URB2: variants seen among roughly 807,000 people sequenced by gnomAD.
URB2 encodes URB2 ribosome biogenesis homolog.
In URB2, 86 loss-of-function variants were observed where a neutral mutation model predicts 120.9. That is an observed-to-expected ratio of 0.71 (90% CI 0.60 to 0.85). URB2 has a LOEUF of 0.85. Among genes scored for constraint, URB2 ranks in the 40% least tolerant of loss-of-function variants. The pLI, the probability that URB2 is intolerant of heterozygous loss-of-function variation, is 0.00. For synonymous variants in URB2, 755 were observed against 758.4 expected, an observed-to-expected ratio of 1.00 and a Z score of 0.07; for missense variants, 1,765 against 1,836.5, an observed-to-expected ratio of 0.96 and a Z score of 0.71.
chr1:229,626,739 C>T (rs1318726790), intron 1 of URB2, among the ~76,000 whole-genome samples: 1 of 152,254 alleles, frequency 6.6e-6, no homozygotes, highest in Non-Finnish European at 1.5e-5. Context: ...GTCTTTGTAG[C>T]CAGTTCAGCA....
chr1:229,648,309 A>G (rs772679320), intron 7 of URB2, among the ~76,000 whole-genome samples: 11 of 152,192 alleles, frequency 7.2e-5, no homozygotes, highest in Non-Finnish European at 1.5e-4. Context: ...AATCTGAAAC[A>G]CTTCTGGTCC....
Position 229,627,664 on chromosome 1 carries a change from A to G in URB2, c.31A>G (p.Lys11Glu), listed in dbSNP as rs759546499. 1 of 1,613,634 alleles carries G rather than the reference A, an allele frequency of 6.2e-7. No homozygotes were observed. The highest frequency in any genetic ancestry group is 2.2e-5 in the East Asian group (1 of 44,824). Residue 11 changes from lysine to glutamate, a missense_variant, in exon 2 of 10, where the codon AAG (lysine) becomes GAG (glutamate). Physicochemically the swap from Lys to Glu is moderately conservative, Grantham distance 56. Transcript: ENST00000258243. ...TGCTGTTTATTCTGGCATTTCCCTT[A>G]AGCTTAAAAGCAAGACAACTTCCTG... is the stretch of plus-strand genomic sequence containing the variant. MAAVYSGISLKLKSKTTSWED... is the reference protein window; with the variant it reads MAAVYSGISLELKSKTTSWED...
At position 229,634,930 on chromosome 1, in the gene URB2, G is replaced by T; in HGVS notation, c.317G>T (p.Arg106Ile). Residue 106 changes from arginine (R) to isoleucine (I), a missense_variant, in exon 4 of 10, where the codon AGA (arginine) becomes ATA (isoleucine). Transcript: ENST00000258243. ...CTTAATGTTCAGATCATCAATGAGA[G>T]AGTAGCTGAGTTCTCTCTTTCGGGA... Reference protein sequence around the residue: ...QISLVKIINERVAEFSLSGSQ... With the variant: ...QISLVKIINEIVAEFSLSGSQ... 1.3e-6 allele frequency: 2 copies of T among 1,528,998 alleles called. No individual in the cohort carries two copies. Among genetic ancestry groups the T allele is most frequent in the South Asian group, 2.6e-5 (2 of 78,192 alleles). The allele number at this position is 1,528,998 out of a possible 1,614,324, so 94.7% of individuals were successfully genotyped here. A position where few individuals can be genotyped will look rare whatever the true frequency, so the allele number is the denominator to read the frequency against.
intron 2 of URB2, among the ~76,000 whole-genome samples, chr1:229,631,632 A>G (rs559804811): frequency 1.8e-4 from 27 of 152,278 alleles, no homozygotes; most frequent in African/African-American, 6.3e-4. Flanking sequence ...GGAGAAGGAG[A>G]GAGGGGAAAA....
At chr1:229,651,053 G>A (rs1666258868) in intron 7 of URB2, 182 bp from the exon 8 acceptor site, 1 of 425,110 alleles carries the variant, frequency 2.4e-6, no homozygotes, top group Admixed American at 4.2e-5. Flanking sequence ...TCTAATACAA[G>A]ATGGGTGAGC....
chr1:229,659,452 T>C lies in URB2; in HGVS notation c.*155T>C. 1.4e-6 allele frequency: 1 copy of C among 709,886 alleles called. No homozygotes were observed. Among genetic ancestry groups the C allele is most frequent in the Non-Finnish European group, 2.2e-6 (1 of 458,248 alleles). The allele number at this position is 709,886 out of a possible 1,614,324, so 44.0% of individuals were successfully genotyped here. ...GGTTTATGTAGTATATTTTGATGTA[T>C]TTTACATCGTGTTTTTCTTACTATT... On this transcript the variant is annotated 3_prime_UTR_variant, in exon 10 of 10. Coordinates refer to ENST00000258243, the MANE Select transcript of URB2 (RefSeq NM_014777.4).
rs1338675371 is a variant in URB2, at chr1:229,636,749, A to C, written c.2136A>C (p.Arg712Ser). 1 of 1,612,220 alleles carries C rather than the reference A, an allele frequency of 6.2e-7. No individual in the cohort carries two copies. The highest frequency in any genetic ancestry group is 1.3e-5 in the African/African-American group (1 of 74,850). ...CDAAFIIGSG[R>S]KSLNQRTTAS... ...CTGCCTTTATTATTGGTTCCGGCAGAAAAAGCTTGAATCAGAGAACGACGG... is the reference window on the plus strand; with the variant it reads ...CTGCCTTTATTATTGGTTCCGGCAGCAAAAGCTTGAATCAGAGAACGACGG... The change falls in exon 4 of 10, where the codon AGA (arginine) becomes AGC (serine). Residue 712 changes from arginine to serine, a missense_variant. Physicochemically the swap from Arg to Ser is moderately radical, Grantham distance 110. Coordinates refer to ENST00000258243, the MANE Select transcript of URB2 (RefSeq NM_014777.4).
intron 5 of URB2, among the ~76,000 whole-genome samples, chr1:229,644,537 G>A (rs1166274769): frequency 5.3e-5 from 8 of 152,208 alleles, no homozygotes; most frequent in Admixed American, 3.3e-4. Context: ...TGCAGGCAGC[G>A]TGTTGGGCTG....
intron 2 of URB2, among the ~76,000 whole-genome samples, chr1:229,631,778 G>A (rs1665674679): frequency 6.6e-6 from 1 of 152,154 alleles, no homozygotes; most frequent in Admixed American, 6.5e-5. Flanking sequence ...GTGATCACTG[G>A]TCACAGAGTA....
chr1:229,647,503 C>T lies in URB2; in HGVS notation c.3907-7C>T. The stretch of plus-strand genomic sequence containing the variant: ...TCATTTTTCCTTTATTTTATTTTGC[C>T]CTTTAGCTCTTAAACCGAGAAGCTT... On this transcript the variant is annotated splice_polypyrimidine_tract_variant and splice_region_variant and intron_variant, in intron 6 of 9. Coordinates refer to ENST00000258243, the MANE Select transcript of URB2 (RefSeq NM_014777.4). 1 of 1,610,386 alleles carries T rather than the reference C, an allele frequency of 6.2e-7. No individual in the cohort carries two copies. The highest frequency in any genetic ancestry group is 8.5e-7 in the Non-Finnish European group (1 of 1,177,120).
rs546882730 is a variant in URB2, at chr1:229,639,350, T to A, written c.3634+1103T>A. Among the ~76,000 whole-genome samples, 4 of 151,524 alleles carry A rather than the reference T, an allele frequency of 2.6e-5. No homozygotes were observed. The East Asian group carries it at 7.8e-4, about 29-fold the overall frequency. On this transcript the variant is annotated intron_variant, in intron 4 of 9. Transcript: ENST00000258243. Reference sequence around the variant, plus strand: ...TCACTTAATTTCTTTTTTTTTTTTTTTTGAGATGGAGTCTCACTCTGTCTA... The same window carrying A: ...TCACTTAATTTCTTTTTTTTTTTTTATTGAGATGGAGTCTCACTCTGTCTA...
chr1:229,630,835 A>T (rs1482248497), intron 2 of URB2, among the ~76,000 whole-genome samples: 1 of 152,066 alleles, frequency 6.6e-6, no homozygotes, highest in Non-Finnish European at 1.5e-5. Flanking sequence ...AAAAAAAATT[A>T]GCCAGGCATG....
chr1:229,646,927 CTT>C (rs1480913075), intron 6 of URB2, among the ~76,000 whole-genome samples: 1 of 152,216 alleles, frequency 6.6e-6, no homozygotes, highest in Non-Finnish European at 1.5e-5. Context: ...AATATTCTCT[CTT>C]GTTTCCAATT....
At chr1:229,638,974 C>T (rs1363121463) in intron 4 of URB2, among the ~76,000 whole-genome samples, 1 of 152,046 alleles carries the variant, frequency 6.6e-6, no homozygotes, top group Non-Finnish European at 1.5e-5. Context: ...ACTTTCAGTG[C>T]CATAAATTGA....
At position 229,636,738 on chromosome 1, in the gene URB2, G is replaced by A; in HGVS notation, c.2125G>A (p.Gly709Ser). 1 of 1,612,194 alleles carries A rather than the reference G, an allele frequency of 6.2e-7. No homozygotes were observed. Among genetic ancestry groups the A allele is most frequent in the Non-Finnish European group, 8.5e-7 (1 of 1,179,036 alleles). The change falls in exon 4 of 10, where the codon GGT becomes AGT. Residue 709 changes from glycine (G) to serine (S), a missense_variant. Coordinates refer to ENST00000258243, the MANE Select transcript of URB2 (RefSeq NM_014777.4). ...SLRCDAAFII[G>S]SGRKSLNQRT... Reference sequence around the variant, plus strand: ...GAGGTGCGATGCTGCCTTTATTATTGGTTCCGGCAGAAAAAGCTTGAATCA... The same window carrying A: ...GAGGTGCGATGCTGCCTTTATTATTAGTTCCGGCAGAAAAAGCTTGAATCA...
Position 229,635,837 on chromosome 1 carries a change from G to T in URB2, c.1224G>T (p.Trp408Cys), listed in dbSNP as rs753486076. The T allele has an allele frequency of 1.9e-6, 3 of 1,614,032 alleles. No homozygotes were observed. Among genetic ancestry groups the T allele is most frequent in the African/African-American group, 1.3e-5 (1 of 74,954 alleles). Residue 408 changes from tryptophan to cysteine, a missense_variant, in exon 4 of 10, where the codon TGG becomes TGT. By Grantham distance (215) the Trp-to-Cys change is radical (BLOSUM62 -2). Transcript: ENST00000258243. The part of the protein sequence containing the change: ...INHAQAPIPA[W>C]FRCLKTLISL... ...ATGCACAAGCACCCATACCGGCCTG[G>T]TTCCGCTGTCTGAAGACTTTGATAT...
chr1:229,635,631 C>T lies in URB2; in HGVS notation c.1018C>T (p.Leu340=). 1 of 1,614,128 alleles carries T rather than the reference C, an allele frequency of 6.2e-7. No individual in the cohort carries two copies. The highest frequency in any genetic ancestry group is 8.5e-7 in the Non-Finnish European group (1 of 1,180,034). ...GTTTGGCTGCTTGAAGATTTCACACCTGCAGGAGGAGCAGAGCAAAGCCCT... is the reference window on the plus strand; with the variant it reads ...GTTTGGCTGCTTGAAGATTTCACACTTGCAGGAGGAGCAGAGCAAAGCCCT... ...RLFGCLKISH[L]QEEQSKALST... is the part of the protein sequence containing the mutation. Residue 340 remains leucine, a synonymous_variant, in exon 4 of 10, where the codon CTG becomes TTG. Transcript: ENST00000258243.
chr1:229,648,311 T>C (rs1193729008), intron 7 of URB2, among the ~76,000 whole-genome samples: 2 of 152,148 alleles, frequency 1.3e-5, no homozygotes, highest in Non-Finnish European at 2.9e-5. Flanking sequence ...TCTGAAACAC[T>C]TCTGGTCCCA....
intron 4 of URB2, among the ~76,000 whole-genome samples, chr1:229,642,798 AG>A (rs1666043421): frequency 6.6e-6 from 1 of 152,216 alleles, no homozygotes; most frequent in Non-Finnish European, 1.5e-5. Flanking sequence ...TGAACAACAT[AG>A]GGGTTAAGGC....
Sources: gnomAD v4.1 joint callset for allele counts (sites outside exome capture counted in the v4.1 genomes callset) on GRCh38, gnomAD v4.1.1 for gene constraint, MANE v1.5 for transcripts, NCBI Gene and HGNC (gene_info 2026-07-23, HGNC 2026-07-21) for gene names.